The following RIGI variants were observed in gnomAD, a reference collection of about 807,000 sequenced individuals.
RIGI encodes the protein antiviral innate immune response receptor RIG-I.
chr9:32,490,472 G>C, the RIGI span, among the ~76,000 whole-genome samples: 2 of 150,714 alleles, frequency 1.3e-5, no homozygotes, highest in African/African-American at 4.9e-5. Context: ...TTTTTTCCAA[G>C]GGGTAACAGA....
the RIGI span, among the ~76,000 whole-genome samples, chr9:32,488,408 T>G: frequency 6.6e-6 from 1 of 152,200 alleles, no homozygotes. Flanking sequence ...TACTATATAT[T>G]ATTTTAAGTC....
At chr9:32,524,231 A>G in the RIGI span, among the ~76,000 whole-genome samples, 1 of 152,262 alleles carries the variant, frequency 6.6e-6, no homozygotes, top group Non-Finnish European at 1.5e-5. Context: ...TGCTTCCTCA[A>G]CTTTCAATGA....
At chr9:32,516,755 G>A in the RIGI span, among the ~76,000 whole-genome samples, 1 of 152,184 alleles carries the variant, frequency 6.6e-6, no homozygotes. Flanking sequence ...TGTAATTTCT[G>A]TGTTTGTGTC....
At chr9:32,501,549 C>T in the RIGI span, among the ~76,000 whole-genome samples, 3,012 of 152,130 alleles carry the variant, frequency 0.02, 111 homozygotes, top group African/African-American at 0.068. Context: ...AGGGATACTT[C>T]CATGGTCCTT....
the RIGI span, among the ~76,000 whole-genome samples, chr9:32,484,579 A>G: frequency 0.18 from 26,828 of 152,072 alleles, 2,749 homozygotes; most frequent in South Asian, 0.36. Flanking sequence ...TAGCCATTCA[A>G]TCATAACACT....
the RIGI span, among the ~76,000 whole-genome samples, chr9:32,525,885 G>A: frequency 0.017 from 2,518 of 152,222 alleles, 56 homozygotes; most frequent in African/African-American, 0.057. Context: ...CCCCACCTAG[G>A]CCTCCGAGGG....
chr9:32,474,202 C>CAAAAAAA, the RIGI span, among the ~76,000 whole-genome samples: 115 of 50,916 alleles, frequency 2.3e-3, 5 homozygotes, highest in African/African-American at 9.4e-3. Context: ...GACCCTGTCT[C>CAAAAAAA]AAAAAAAAAA....
chr9:32,457,103 G>A, the RIGI span: 3 of 1,599,160 alleles, frequency 1.9e-6, no homozygotes, highest in Non-Finnish European at 2.6e-6. Flanking sequence ...CCCTGTAGCT[G>A]AAGATTGAGG....
the RIGI span, among the ~76,000 whole-genome samples, chr9:32,481,966 A>G: frequency 6.6e-6 from 1 of 152,236 alleles, no homozygotes; most frequent in Non-Finnish European, 1.5e-5. Context: ...ATTTAACTGG[A>G]TTCAGACTGG....
At chr9:32,509,067 A>G in the RIGI span, among the ~76,000 whole-genome samples, 1 of 152,204 alleles carries the variant, frequency 6.6e-6, no homozygotes, top group Non-Finnish European at 1.5e-5. Flanking sequence ...CACTCTAGGC[A>G]GGGCATCTCT....
chr9:32,459,566 A>G, the RIGI span: 1 of 1,559,022 alleles, frequency 6.4e-7, no homozygotes, highest in Non-Finnish European at 8.7e-7. Context: ...CATATATAGC[A>G]AGAAACAGGC....
At chr9:32,464,214 T>TA in the RIGI span, among the ~76,000 whole-genome samples, 2 of 151,490 alleles carry the variant, frequency 1.3e-5, no homozygotes, top group African/African-American at 4.9e-5. Context: ...TGCCCTCTGT[T>TA]CTGCAGAGTT....
the RIGI span, among the ~76,000 whole-genome samples, chr9:32,522,209 G>A: frequency 1.3e-5 from 2 of 152,058 alleles, no homozygotes; most frequent in African/African-American, 2.4e-5. Flanking sequence ...GAAAAAGTCT[G>A]GAGAATTTTT....
chr9:32,482,187 T>TTGTG, the RIGI span, among the ~76,000 whole-genome samples: 15,565 of 145,002 alleles, frequency 0.11, 888 homozygotes, highest in Middle Eastern at 0.29. Context: ...GTGTGTTTGT[T>TTGTG]TGTGTGTGTG....
chr9:32,488,239 G>C, the RIGI span: 645,962 of 1,597,502 alleles, frequency 0.4, 134,644 homozygotes, highest in South Asian at 0.47. Context: ...TACTAACCAC[G>C]ATGTGGATAA....
chr9:32,487,405 T>C, the RIGI span: 1 of 1,469,560 alleles, frequency 6.8e-7, no homozygotes, highest in Non-Finnish European at 9.4e-7. Flanking sequence ...TTCGTCTAGA[T>C]GGCTCTGAAC....
chr9:32,520,916 C>T, the RIGI span, among the ~76,000 whole-genome samples: 9 of 151,182 alleles, frequency 6.0e-5, no homozygotes, highest in African/African-American at 2.2e-4. Context: ...GAGGCCGAGG[C>T]AGGCGGATCA....
chr9:32,510,258 G>A, the RIGI span, among the ~76,000 whole-genome samples: 1 of 152,018 alleles, frequency 6.6e-6, no homozygotes, highest in African/African-American at 2.4e-5. Context: ...GATACTCCTC[G>A]AGAAGAACAA....
chr9:32,509,653 G>T, the RIGI span, among the ~76,000 whole-genome samples: 1 of 151,976 alleles, frequency 6.6e-6, no homozygotes, highest in African/African-American at 2.4e-5. Flanking sequence ...AGTGCAAAAA[G>T]GCAGAAAAAA....
Sources: allele counts gnomAD v4.1 joint callset (sites outside exome capture counted in the v4.1 genomes callset), GRCh38; gene constraint gnomAD v4.1.1; transcripts MANE v1.5; gene names NCBI Gene and HGNC (gene_info 2026-07-23, HGNC 2026-07-21).